Variants in TTC7B observed in about 807,000 individuals in gnomAD.
TTC7B encodes tetratricopeptide repeat protein 7B.
Under a neutral mutation model 106.8 loss-of-function variants are expected in TTC7B, and 28 were observed. The observed-to-expected ratio is 0.26, with a 90% CI of 0.19 to 0.36. TTC7B has a LOEUF of 0.36. Among genes scored for constraint, TTC7B ranks in the 10% least tolerant of loss-of-function variants. TTC7B has a pLI of 1.00. For missense variants in TTC7B, 862 were observed against 1,076.4 expected (o/e 0.80, Z 2.79); for synonymous variants, 405 against 430.6 (o/e 0.94, Z 0.74).
chr14:90,769,309 G>A (rs1436037885), intron 3 of TTC7B, among the ~76,000 whole-genome samples: 1 of 152,186 alleles, frequency 6.6e-6, no homozygotes, highest in Admixed American at 6.5e-5. Context: ...AATTACAGAA[G>A]TAAGTCCCTT....
intron 7 of TTC7B, among the ~76,000 whole-genome samples, chr14:90,686,037 C>A (rs1887240908): frequency 6.6e-6 from 1 of 152,054 alleles, no homozygotes; most frequent in Admixed American, 6.5e-5. Flanking sequence ...CAGACAAAGA[C>A]ATCATAAGAA....
chr14:90,571,961 A>G (rs1429825072), intron 19 of TTC7B, among the ~76,000 whole-genome samples: 1 of 152,232 alleles, frequency 6.6e-6, no homozygotes. Flanking sequence ...CATCATCTTC[A>G]TGCTGAATCT....
At chr14:90,738,496 C>G (rs914721194) in intron 4 of TTC7B, among the ~76,000 whole-genome samples, 1 of 152,012 alleles carries the variant, frequency 6.6e-6, no homozygotes. Context: ...GTAATCCCAG[C>G]TACTCGAGGC....
chr14:90,587,228 G>A (rs1401161220), intron 18 of TTC7B, among the ~76,000 whole-genome samples: 1 of 152,136 alleles, frequency 6.6e-6, no homozygotes, highest in African/African-American at 2.4e-5. Flanking sequence ...CCTGAGTAGT[G>A]CCCAGCTTGG....
intron 15 of TTC7B, among the ~76,000 whole-genome samples, chr14:90,619,281 G>A (rs936001864): frequency 2.6e-5 from 4 of 152,120 alleles, no homozygotes; most frequent in Admixed American, 1.3e-4. Context: ...GTATCTCATC[G>A]TTTAAGGCAC....
At chr14:90,791,473 T>C (rs554000051) in intron 1 of TTC7B, among the ~76,000 whole-genome samples, 3 of 152,254 alleles carry the variant, frequency 2.0e-5, no homozygotes, top group African/African-American at 7.2e-5. Context: ...TCCCAGAATA[T>C]TCACTCTCCC....
chr14:90,569,736 C>G (rs1890949993), intron 19 of TTC7B: 1 of 152,282 alleles, frequency 6.6e-6, no homozygotes, highest in South Asian at 2.1e-4. Flanking sequence ...CATGCCTGCA[C>G]CTGGACACGC....
chr14:90,635,437 G>C (rs1884889782), intron 15 of TTC7B, among the ~76,000 whole-genome samples: 1 of 152,036 alleles, frequency 6.6e-6, no homozygotes, highest in Non-Finnish European at 1.5e-5. Flanking sequence ...AAATATTCCA[G>C]ATACCATAAG....
Position 90,652,834 on chromosome 14 carries a change from C to T in TTC7B, c.1517+7G>A, listed in dbSNP as rs1885787187. On this transcript the variant is annotated splice_region_variant and intron_variant, in intron 13 of 19. Coordinates refer to ENST00000328459, the MANE Select transcript of TTC7B (RefSeq NM_001010854.2). ...ACAGCCGAGTGAAAAGATGAACTCC[C>T]ACTCACCTCTGAAATGCAAGAAGCG... The T allele has an allele frequency of 3.1e-6, 5 of 1,614,034 alleles. No individual in the cohort carries two copies. Among genetic ancestry groups the T allele is most frequent in the Admixed American group, 1.7e-5 (1 of 60,012 alleles).
In TTC7B at chr14:90,526,642, T is replaced by C. The variant is rs985297073; in HGVS notation, c.*14726A>G. 2.0e-5 allele frequency: 3 copies of C among 152,172 alleles called. No homozygotes were observed. The highest frequency in any genetic ancestry group is 7.2e-5 in the African/African-American group (3 of 41,416). 9.4% of individuals were successfully genotyped at this position (152,172 alleles called of 1,614,324 possible). A position where few individuals can be genotyped will look rare whatever the true frequency, so the allele number is the denominator to read the frequency against. On this transcript the variant is annotated 3_prime_UTR_variant, in exon 20 of 20. Transcript: ENST00000328459. ...TGGGAGGGACCCGGTGCAAGGTAATTGAATCATGGGGGTGGCTACCCTCAT... is the reference window on the plus strand; with the variant it reads ...TGGGAGGGACCCGGTGCAAGGTAATCGAATCATGGGGGTGGCTACCCTCAT...
At chr14:90,586,087 C>T (rs922372899) in intron 18 of TTC7B, among the ~76,000 whole-genome samples, 2 of 152,206 alleles carry the variant, frequency 1.3e-5, no homozygotes, top group Non-Finnish European at 2.9e-5. Context: ...ATAGCTTGCC[C>T]AGGTATTACT....
intron 16 of TTC7B, among the ~76,000 whole-genome samples, chr14:90,614,184 A>G (rs1892976994): frequency 6.6e-6 from 1 of 152,234 alleles, no homozygotes; most frequent in African/African-American, 2.4e-5. Context: ...GGATGATAAG[A>G]GTCAAGGTAA....
intron 7 of TTC7B, among the ~76,000 whole-genome samples, chr14:90,682,800 G>A (rs998072919): frequency 1.3e-5 from 2 of 152,206 alleles, no homozygotes; most frequent in East Asian, 1.9e-4. Flanking sequence ...CAAAGGAGGC[G>A]GCAGTGGGGC....
intron 8 of TTC7B, among the ~76,000 whole-genome samples, chr14:90,679,386 C>T (rs1208940797): frequency 6.6e-6 from 1 of 152,214 alleles, no homozygotes; most frequent in South Asian, 2.1e-4. Context: ...TGTCTATACT[C>T]ACCTGAGTCC....
chr14:90,777,348 A>G (rs1365533598), intron 3 of TTC7B, among the ~76,000 whole-genome samples: 4 of 152,298 alleles, frequency 2.6e-5, no homozygotes, highest in Middle Eastern at 3.4e-3. Context: ...ACGCTTCTGC[A>G]TAACCTCACC....
Position 90,698,835 on chromosome 14 carries a change from G to C in TTC7B, c.699-3257C>G, listed in dbSNP as rs866221536. The C allele has an allele frequency of 4.4e-5, 9 of 203,026 alleles. 1 individual carries two copies. Among genetic ancestry groups the C allele is most frequent in the Middle Eastern group, 1.8e-3 (1 of 558 alleles). The allele number at this position is 203,026 out of a possible 1,614,324, so 12.6% of individuals were successfully genotyped here. A position where few individuals can be genotyped will look rare whatever the true frequency, so the allele number is the denominator to read the frequency against. ...ACATCACTGTCCTCAGCCCATTATG[G>C]AGAGCTCAGGCCAGAGTCCCACAGC... On this transcript the variant is annotated intron_variant, in intron 5 of 19. Transcript: ENST00000328459.
At chr14:90,633,118 T>G (rs1259746012) in intron 15 of TTC7B, among the ~76,000 whole-genome samples, 1 of 152,214 alleles carries the variant, frequency 6.6e-6, no homozygotes, top group African/African-American at 2.4e-5. Context: ...TGTCTCAATA[T>G]CATCTGATGT....
intron 18 of TTC7B, among the ~76,000 whole-genome samples, chr14:90,586,505 G>A (rs1891720404): frequency 6.6e-6 from 1 of 152,056 alleles, no homozygotes; most frequent in East Asian, 1.9e-4. Context: ...CCTGACCTCA[G>A]GTGATTGACC....
At chr14:90,683,890 T>C (rs1276880723) in intron 7 of TTC7B, among the ~76,000 whole-genome samples, 1 of 152,252 alleles carries the variant, frequency 6.6e-6, no homozygotes, top group Non-Finnish European at 1.5e-5. Flanking sequence ...ATCCTGACCC[T>C]TCAACATCCC....
Sources: gnomAD v4.1 joint callset for allele counts (sites outside exome capture counted in the v4.1 genomes callset) on GRCh38, gnomAD v4.1.1 for gene constraint, MANE v1.5 for transcripts, NCBI Gene and HGNC (gene_info 2026-07-23, HGNC 2026-07-21) for gene names.